ABLIM2: variants seen among roughly 807,000 people sequenced by gnomAD.
ABLIM2 encodes actin binding LIM protein family member 2.
Under a neutral mutation model 97.7 loss-of-function variants are expected in ABLIM2, and 53 were observed. The ratio of observed to expected loss-of-function variants is 0.54; its 90% CI spans 0.44 to 0.68. The LOEUF (loss-of-function observed/expected upper bound fraction) is 0.68, where lower values mean the gene tolerates loss of function less well. ABLIM2 is among the 30% of genes least tolerant of loss of function. The pLI is 0.00. For missense variants in ABLIM2, 835 were observed against 867.2 expected, an observed-to-expected ratio of 0.96 and a Z score of 0.47; for synonymous variants, 361 against 345.8, an observed-to-expected ratio of 1.04 and a Z score of -0.49.
intron 17 of ABLIM2, among the ~76,000 whole-genome samples, chr4:7,991,172 A>G (rs758864796): frequency 5.3e-5 from 8 of 152,256 alleles, no homozygotes; most frequent in Non-Finnish European, 7.3e-5. Flanking sequence ...GGCTGTTCTC[A>G]AAAGAGTGTG....
At chr4:8,012,002 A>G (rs912291856) in intron 14 of ABLIM2, among the ~76,000 whole-genome samples, 2 of 151,882 alleles carry the variant, frequency 1.3e-5, no homozygotes, top group African/African-American at 4.8e-5. Flanking sequence ...TCACCCTTTT[A>G]CCTACTTATC....
In ABLIM2 at chr4:8,037,340, G is replaced by GCACA. The variant is rs10670906; in HGVS notation, c.901-1049_901-1046dup. Reference sequence around the variant, plus strand: ...TGCGCACACATGCACACACATGCAGGCACACACACACATAAGGCACACACA... The same window carrying GCACA: ...TGCGCACACATGCACACACATGCAGGCACACACACACACACATAAGGCACACACA... On this transcript the variant is annotated intron_variant, in intron 9 of 20. Transcript: ENST00000447017. Among the ~76,000 whole-genome samples, 1,371 of 140,970 alleles carry GCACA rather than the reference G, an allele frequency of 9.7e-3. 19 individuals carry two copies. Among genetic ancestry groups the GCACA allele is most frequent in the African/African-American group, 0.031 (1,231 of 39,546 alleles). 92.5% of individuals were successfully genotyped at this position (140,970 alleles called of 152,430 possible).
chr4:8,006,879 G>T (rs1027327156), intron 16 of ABLIM2: 11 of 370,156 alleles, frequency 3.0e-5, no homozygotes, highest in Admixed American at 6.5e-5. Flanking sequence ...ATTTTTGCAG[G>T]GGGGGGGTGG....
chr4:8,152,361 A>G (rs1713249220), intron 1 of ABLIM2, among the ~76,000 whole-genome samples: 1 of 149,502 alleles, frequency 6.7e-6, no homozygotes, highest in Non-Finnish European at 1.5e-5. Context: ...CGGGACTCGC[A>G]GGCATTTCTT....
At chr4:7,980,491 G>C (rs987831572) in intron 20 of ABLIM2, among the ~76,000 whole-genome samples, 2 of 152,172 alleles carry the variant, frequency 1.3e-5, no homozygotes, top group Admixed American at 6.5e-5. Flanking sequence ...GAGGTGGGCA[G>C]ATTACCTGAG....
chr4:8,112,900 A>G lies in ABLIM2; in HGVS notation c.11-6263T>C, dbSNP rs1018532130. Among the ~76,000 whole-genome samples, 2 of 152,148 alleles carry G rather than the reference A, an allele frequency of 1.3e-5. No individual in the cohort carries two copies. The highest frequency in any genetic ancestry group is 4.8e-5 in the African/African-American group (2 of 41,414). On this transcript the variant is annotated intron_variant, in intron 1 of 20. Transcript: ENST00000447017. This position sits in a 1 kb window ranked among gnomAD's most constrained non-coding sequence, Gnocchi z 4.2. ...AACCATGTGTTCACTTGTTCAACAG[A>G]CACGGGAGCAGACGCACTGTCAGGT...
intron 10 of ABLIM2, among the ~76,000 whole-genome samples, chr4:8,031,250 T>C (rs1481377199): frequency 6.6e-6 from 1 of 152,188 alleles, no homozygotes; most frequent in Non-Finnish European, 1.5e-5. Flanking sequence ...GTGCATGATT[T>C]TGTGCCCCAC....
rs1813004031 is a variant in ABLIM2 at position 8,072,608 on chromosome 4, G to C, written c.675+5020C>G. Reference sequence around the variant, plus strand: ...ATGCAAACCTGCATCTGTGCACCAGGAGAAGACAAAGGGTTGGGGGAAACC... The same window carrying C: ...ATGCAAACCTGCATCTGTGCACCAGCAGAAGACAAAGGGTTGGGGGAAACC... On this transcript the variant is annotated intron_variant, in intron 6 of 20. Transcript: ENST00000447017. The surrounding 1 kb of genome is among the most constrained non-coding windows in gnomAD (Gnocchi z 5.8). Among the ~76,000 whole-genome samples the C allele has an allele frequency of 6.6e-6, 1 of 152,230 alleles. No homozygotes were observed. Among genetic ancestry groups the C allele is most frequent in the African/African-American group, 2.4e-5 (1 of 41,458 alleles).
At chr4:8,078,246 C>G (rs1233428127) in intron 5 of ABLIM2, among the ~76,000 whole-genome samples, 1 of 152,230 alleles carries the variant, frequency 6.6e-6, no homozygotes, top group Non-Finnish European at 1.5e-5. Flanking sequence ...TGAGGGGTGA[C>G]AAAGGCTGGC....
intron 10 of ABLIM2, among the ~76,000 whole-genome samples, chr4:8,031,970 G>A (rs899129589): frequency 5.3e-5 from 8 of 151,956 alleles, no homozygotes; most frequent in East Asian, 1.9e-4. Context: ...CTGGTGATCC[G>A]CCCACCTCGG....
intron 20 of ABLIM2, among the ~76,000 whole-genome samples, chr4:7,975,925 C>G (rs1253166360): frequency 6.6e-6 from 1 of 152,148 alleles, no homozygotes; most frequent in Admixed American, 6.5e-5. Context: ...CTAACAATGT[C>G]TTTTTCTTAA....
chr4:8,121,478 T>C (rs752380928), intron 1 of ABLIM2, among the ~76,000 whole-genome samples: 1 of 152,194 alleles, frequency 6.6e-6, no homozygotes, highest in Admixed American at 6.5e-5. Flanking sequence ...GAGGAGCTCA[T>C]GGGAGGTGTC....
chr4:8,011,023 G>T (rs1764609598), intron 14 of ABLIM2, among the ~76,000 whole-genome samples: 1 of 152,244 alleles, frequency 6.6e-6, no homozygotes, highest in African/African-American at 2.4e-5. Context: ...CAGGAGGTTG[G>T]AAAGTGGATC....
intron 20 of ABLIM2, among the ~76,000 whole-genome samples, chr4:7,976,161 A>C (rs1263942846): frequency 1.3e-5 from 2 of 152,212 alleles, no homozygotes; most frequent in African/African-American, 4.8e-5. Context: ...CCACTGTCAC[A>C]GTGACTGGCT....
chr4:8,121,848 GTCCAGGCAAA>G (rs1578277745), intron 1 of ABLIM2, among the ~76,000 whole-genome samples: 1 of 152,160 alleles, frequency 6.6e-6, no homozygotes, highest in Non-Finnish European at 1.5e-5. Context: ...CAGTTCCTGT[GTCCAGGCAAA>G]CACCAGGGAC....
intron 1 of ABLIM2, among the ~76,000 whole-genome samples, chr4:8,126,912 T>C (rs1267479291): frequency 6.6e-6 from 1 of 151,590 alleles, no homozygotes; most frequent in Non-Finnish European, 1.5e-5. Flanking sequence ...CTAAAAAAAT[T>C]AAAAATTAGC....
Position 7,996,798 on chromosome 4 carries a change from G to A in ABLIM2, c.1619-3871C>T, listed in dbSNP as rs928047022. On this transcript the variant is annotated intron_variant, in intron 16 of 20. Transcript: ENST00000447017. This position sits in a 1 kb window ranked among gnomAD's most constrained non-coding sequence, Gnocchi z 4.5. ...GCGGACAGTTCTGCTCTTTCAGCAC[G>A]TGAAAGACGTCAGGACACTTCCTGC... 6.6e-6 allele frequency among the ~76,000 whole-genome samples: 1 copy of A among 152,174 alleles called. No homozygotes were observed. The highest frequency in any genetic ancestry group is 2.4e-5 in the African/African-American group (1 of 41,438).
Position 8,008,218 on chromosome 4 carries a change from A to G in ABLIM2, c.1477-18T>C, listed in dbSNP as rs750013566. ...CTCTTCTGCTGAAGGTAAAAAACAA[A>G]GTCATGCAAATGTCAAGGTCATCTG... On this transcript the variant is annotated intron_variant, in intron 15 of 20. Transcript: ENST00000447017. The G allele has an allele frequency of 6.2e-7, 1 of 1,609,458 alleles. No homozygotes were observed. Among genetic ancestry groups the G allele is most frequent in the South Asian group, 1.1e-5 (1 of 90,844 alleles).
chr4:7,974,395 CCATCCACCCAT>C (rs1366498305), intron 20 of ABLIM2, among the ~76,000 whole-genome samples: 4 of 118,172 alleles, frequency 3.4e-5, no homozygotes, highest in African/African-American at 8.0e-5. Context: ...ATCCACCCAT[CCATCCACCCAT>C]CCATCCACCA....
Sources: allele counts gnomAD v4.1 joint callset (sites outside exome capture counted in the v4.1 genomes callset), GRCh38; gene constraint gnomAD v4.1.1; non-coding constraint Gnocchi (gnomAD v3.1); transcripts MANE v1.5; gene names NCBI Gene and HGNC (gene_info 2026-07-23, HGNC 2026-07-21).